Variants in CAMTA1 observed in about 807,000 individuals in gnomAD.
CAMTA1 encodes the protein calmodulin binding transcription activator 1.
CAMTA1 carries 27 observed loss-of-function variants against 170.9 expected under a neutral mutation model. That is an observed-to-expected ratio of 0.16 (90% CI 0.12 to 0.22). The LOEUF (loss-of-function observed/expected upper bound fraction) is 0.22, where lower values mean the gene tolerates loss of function less well. CAMTA1 is among the 10% of genes least tolerant of loss of function. The probability of loss-of-function intolerance (pLI) is 1.00; values close to 1 mark genes in which losing one functional copy is unlikely to be tolerated. For synonymous variants in CAMTA1, 833 were observed against 891.5 expected (o/e 0.93, Z 1.17); for missense variants, 1,619 against 2,217.2 (o/e 0.73, Z 5.42).
chr1:6,803,403 T>A (rs1644125350), intron 1 of CAMTA1, among the ~76,000 whole-genome samples: 1 of 152,164 alleles, frequency 6.6e-6, no homozygotes. Context: ...AGTATATCCC[T>A]CCTGCCTCTG....
intron 4 of CAMTA1, among the ~76,000 whole-genome samples, chr1:7,192,049 G>A (rs1458915685): frequency 1.3e-5 from 2 of 152,150 alleles, no homozygotes; most frequent in African/African-American, 4.8e-5. Flanking sequence ...TGGGGGAATA[G>A]TGTCATCTTT....
At position 7,580,334 on chromosome 1, in the gene CAMTA1, C is replaced by A. The variant is rs1304841964; in HGVS notation, c.511-60066C>A. Among the ~76,000 whole-genome samples, 1 of 150,510 alleles carries A rather than the reference C, an allele frequency of 6.6e-6. No individual in the cohort carries two copies. Among genetic ancestry groups the A allele is most frequent in the Non-Finnish European group, 1.5e-5 (1 of 67,976 alleles). The stretch of plus-strand genomic sequence containing the variant: ...GGGGGCAGGTGGAGAAGAGGAGGAG[C>A]TTTCTGGAAGGAAGCCCTGTGAATG... On this transcript the variant is annotated intron_variant, in intron 6 of 22. Transcript: ENST00000303635. The surrounding 1 kb of genome is among the most constrained non-coding windows in gnomAD (Gnocchi z 4.3).
intron 6 of CAMTA1, among the ~76,000 whole-genome samples, chr1:7,614,602 G>A (rs928206808): frequency 2.0e-5 from 3 of 152,148 alleles, no homozygotes; most frequent in Non-Finnish European, 2.9e-5. Flanking sequence ...TGCCTCCCGC[G>A]TTATTAACAT....
chr1:7,548,402 G>A (rs2094730480), intron 6 of CAMTA1, among the ~76,000 whole-genome samples: 2 of 151,980 alleles, frequency 1.3e-5, no homozygotes, highest in South Asian at 4.1e-4. Context: ...CACCCCTTAA[G>A]GGTGGAGGTG....
chr1:7,617,172 T>A (rs1299972117), intron 6 of CAMTA1, among the ~76,000 whole-genome samples: 1 of 152,208 alleles, frequency 6.6e-6, no homozygotes, highest in Non-Finnish European at 1.5e-5. Context: ...GCCAAGCGGC[T>A]GCTGTGGCTG....
rs530404110 is a variant in CAMTA1 at position 7,388,970 on chromosome 1, A to G, written c.439-78860A>G. The stretch of plus-strand genomic sequence containing the variant: ...CCTGCCGGACTGGGGCAGGGCCCTA[A>G]CGCTCTGTTGTTACACTCTCCATCC... On this transcript the variant is annotated intron_variant, in intron 5 of 22. Coordinates refer to ENST00000303635, the MANE Select transcript of CAMTA1 (RefSeq NM_015215.4). Among the ~76,000 whole-genome samples the G allele has an allele frequency of 5.9e-4, 90 of 152,252 alleles. No homozygotes were observed. The Middle Eastern group carries it at 0.044, about 75-fold the overall frequency.
chr1:6,935,250 G>T (rs1262635023), intron 3 of CAMTA1, among the ~76,000 whole-genome samples: 3 of 152,038 alleles, frequency 2.0e-5, no homozygotes, highest in African/African-American at 4.8e-5. Context: ...CTCCCCACTT[G>T]GCAGTTTGGA....
In CAMTA1 at chr1:7,663,725, T is replaced by C. The variant is rs772661635; in HGVS notation, c.1178T>C (p.Leu393Ser). 1 of 1,613,944 alleles carries C rather than the reference T, an allele frequency of 6.2e-7. No homozygotes were observed. The highest frequency in any genetic ancestry group is 8.5e-7 in the Non-Finnish European group (1 of 1,179,932). The change falls in exon 9 of 23, where the codon TTG (leucine) becomes TCG (serine). Residue 393 changes from leucine to serine, a missense_variant. By Grantham distance (145) the Leu-to-Ser change is moderately radical. This residue lies in a region of CAMTA1 where 731 missense variants were observed against 907.6 expected (regional missense o/e 0.81). Transcript: ENST00000303635. ...GCGGTGGCCTCTGTGATGGGGAGCT[T>C]GTCCCAGAGCGCCACGGTGTTCATG... ...GMAVASVMGS[L>S]SQSATVFMSE...
intron 3 of CAMTA1, among the ~76,000 whole-genome samples, chr1:7,039,879 C>CT (rs1244049705): frequency 5.9e-5 from 9 of 151,746 alleles, no homozygotes; most frequent in South Asian, 2.1e-4. Context: ...TTTCAATTGC[C>CT]TTTTTTCTGG....
rs369281803 is a variant in CAMTA1 at position 7,035,993 on chromosome 1, A to G, written c.235-55311A>G. Among the ~76,000 whole-genome samples, 12 of 152,352 alleles carry G rather than the reference A, an allele frequency of 7.9e-5. No homozygotes were observed. In the South Asian group the frequency reaches 2.3e-3, roughly 29 times the overall value. On this transcript the variant is annotated intron_variant, in intron 3 of 22. Transcript: ENST00000303635. ...TGCAAAAAGAAATGTACAGCACGGT[A>G]CCATTTATATAAGCTTAAAACGTAA...
At chr1:7,441,764 G>C (rs1775048) in intron 5 of CAMTA1, among the ~76,000 whole-genome samples, 84,045 of 151,648 alleles carry the variant, frequency 0.55, 25,125 homozygotes, top group African/African-American at 0.77. Context: ...TACTCAGTGT[G>C]CTTGTTCGTC....
chr1:7,191,180 C>G (rs954658789), intron 4 of CAMTA1, among the ~76,000 whole-genome samples: 1 of 152,184 alleles, frequency 6.6e-6, no homozygotes, highest in Non-Finnish European at 1.5e-5. Flanking sequence ...CCATCTCTAT[C>G]AGAAATAAAT....
chr1:7,371,013 A>G (rs1476372102), intron 5 of CAMTA1, among the ~76,000 whole-genome samples: 29 of 142,634 alleles, frequency 2.0e-4, no homozygotes, highest in South Asian at 9.1e-4. Context: ...CCAGGTTCAC[A>G]CCATTCTCCT....
At chr1:7,182,544 G>A (rs1488010414) in intron 4 of CAMTA1, among the ~76,000 whole-genome samples, 1 of 150,458 alleles carries the variant, frequency 6.6e-6, no homozygotes, top group Non-Finnish European at 1.5e-5. Context: ...GAGCTTTTCT[G>A]TAACATGGAT....
intron 4 of CAMTA1, among the ~76,000 whole-genome samples, chr1:7,149,611 T>G (rs1399035498): frequency 6.6e-6 from 1 of 152,126 alleles, no homozygotes; most frequent in East Asian, 1.9e-4. Context: ...GAAGGCGGAA[T>G]GTTGGCGATG....
chr1:6,912,998 GTT>G (rs1354533819), intron 3 of CAMTA1, among the ~76,000 whole-genome samples: 3 of 152,182 alleles, frequency 2.0e-5, no homozygotes, highest in Non-Finnish European at 4.4e-5. Flanking sequence ...GCACCTCCCT[GTT>G]TTTGGCTACA....
intron 3 of CAMTA1, among the ~76,000 whole-genome samples, chr1:7,085,621 G>T (rs1251547806): frequency 6.6e-6 from 1 of 152,264 alleles, no homozygotes; most frequent in Non-Finnish European, 1.5e-5. Flanking sequence ...GAGGGGCTGG[G>T]CGATGAACAG....
intron 5 of CAMTA1, among the ~76,000 whole-genome samples, chr1:7,295,977 C>T (rs982762964): frequency 2.6e-5 from 4 of 152,194 alleles, no homozygotes; most frequent in African/African-American, 7.2e-5. Context: ...TGGCCAGGGC[C>T]GTGGTCATTG....
At chr1:7,004,934 A>AT (rs898609251) in intron 3 of CAMTA1, among the ~76,000 whole-genome samples, 24 of 151,388 alleles carry the variant, frequency 1.6e-4, no homozygotes, top group Admixed American at 2.0e-4. Flanking sequence ...CACCCGGCTA[A>AT]TTTTTTTTTG....
Sources: allele counts gnomAD v4.1 joint callset (sites outside exome capture counted in the v4.1 genomes callset), GRCh38; gene constraint gnomAD v4.1.1; regional missense constraint gnomAD v4.1.1; non-coding constraint Gnocchi (gnomAD v3.1); transcripts MANE v1.5; gene names NCBI Gene and HGNC (gene_info 2026-07-23, HGNC 2026-07-21).